MOCS1: variants seen among roughly 807,000 people sequenced by gnomAD.
MOCS1 encodes the protein molybdenum cofactor biosynthesis protein 1.
Under a neutral mutation model 57.6 loss-of-function variants are expected in MOCS1, and 39 were observed. That is an observed-to-expected ratio of 0.68 (90% CI 0.52 to 0.88). The LOEUF is 0.88. Among genes scored for constraint, MOCS1 ranks in the 40% least tolerant of loss-of-function variants. The pLI, the probability that MOCS1 is intolerant of heterozygous loss-of-function variation, is 0.00. For missense variants in MOCS1, 795 were observed against 831.1 expected (o/e 0.96, Z 0.53); for synonymous variants, 334 against 335.7 (o/e 1.00, Z 0.05).
At chr6:39,912,173 C>G in intron 8 of MOCS1, 91 bp downstream of exon 8, 6 of 1,029,192 alleles carry the variant, frequency 5.8e-6, no homozygotes, top group Non-Finnish European at 9.2e-6. Context: ...CCGTGCCCTG[C>G]CAGCCTCCTC....
chr6:39,906,299 A>G lies in MOCS1; in HGVS notation c.*58T>C. On this transcript the variant is annotated 3_prime_UTR_variant, in exon 11 of 11. Transcript: ENST00000340692. The stretch of plus-strand genomic sequence containing the variant: ...TAAAGGAACCTGACGTCTTTCCCTC[A>G]GCCTACATTGCATCCCAGCTCCAGG... 1 of 1,596,808 alleles carries G rather than the reference A, an allele frequency of 6.3e-7. No individual in the cohort carries two copies. Among genetic ancestry groups the G allele is most frequent in the Non-Finnish European group, 8.6e-7 (1 of 1,166,962 alleles).
intron 3 of MOCS1, among the ~76,000 whole-genome samples, chr6:39,923,547 G>A (rs570897443): frequency 8.5e-4 from 129 of 152,394 alleles, no homozygotes; most frequent in Non-Finnish European, 1.3e-3. Context: ...GCCCGCGGGT[G>A]CCAGGGAGAG....
intron 8 of MOCS1, among the ~76,000 whole-genome samples, chr6:39,910,534 T>C (rs1428578915): frequency 6.6e-6 from 1 of 152,190 alleles, no homozygotes; most frequent in Non-Finnish European, 1.5e-5. Flanking sequence ...GTAAGAGGGA[T>C]GGATGAGACA....
In MOCS1 at chr6:39,904,939, G is replaced by A. The variant is rs1310763583; in HGVS notation, c.*1418C>T. 6.6e-6 allele frequency: 3 copies of A among 454,000 alleles called. No individual in the cohort carries two copies. Among genetic ancestry groups the A allele is most frequent in the Non-Finnish European group, 1.3e-5 (3 of 226,804 alleles). 28.1% of individuals were successfully genotyped at this position (454,000 alleles called of 1,614,324 possible). On this transcript the variant is annotated 3_prime_UTR_variant, in exon 11 of 11. Transcript: ENST00000340692. ...GTGGGCTGAGAGTGTGCTGGAGCCA[G>A]CTTGTACCAGCTCTGTGAGAACCAA... is the stretch of plus-strand genomic sequence containing the variant.
chr6:39,911,038 T>A lies in MOCS1; in HGVS notation c.982-1083A>T, dbSNP rs370586325. Among the ~76,000 whole-genome samples, 47 of 152,364 alleles carry A rather than the reference T, an allele frequency of 3.1e-4. No homozygotes were observed. In the East Asian group the frequency reaches 8.7e-3, roughly 28 times the overall value. On this transcript the variant is annotated intron_variant, in intron 8 of 10. Transcript: ENST00000340692. Reference sequence around the variant, plus strand: ...ATCAGTGCCTCCCCCTTGCCCTTCCTAAGTGGGAACAGCACTTTGCTGCTG... The same window carrying A: ...ATCAGTGCCTCCCCCTTGCCCTTCCAAAGTGGGAACAGCACTTTGCTGCTG...
chr6:39,913,272 GCCCAAC>G, intron 6 of MOCS1, 39 bp downstream of exon 6: 3 of 1,546,978 alleles, frequency 1.9e-6, no homozygotes, highest in Non-Finnish European at 2.7e-6. Context: ...CGACCTGCAG[GCCCAAC>G]CCCTTCTTCC....
intron 3 of MOCS1, among the ~76,000 whole-genome samples, chr6:39,920,027 G>A (rs919538206): frequency 5.3e-5 from 8 of 152,066 alleles, no homozygotes; most frequent in African/African-American, 1.9e-4. Flanking sequence ...TTTTTCAGAT[G>A]GGGAGGAGAT....
Position 39,906,906 on chromosome 6 carries a change from G to A in MOCS1, c.1362C>T (p.Asp454=), listed in dbSNP as rs771259156. The A allele has an allele frequency of 1.7e-5, 27 of 1,614,066 alleles. No individual in the cohort carries two copies. Among genetic ancestry groups the A allele is most frequent in the Non-Finnish European group, 2.3e-5 (27 of 1,180,036 alleles). ...SFQRHYTSRA[D]SDANSKCLSP... The stretch of plus-strand genomic sequence containing the variant: ...TAAGGCACTTTGAGTTGGCATCTGA[G>A]TCTGCACGGGAAGTGTAGTGTCTCT... The change falls in exon 11 of 11, where the codon GAC becomes GAT. Residue 454 remains aspartate (D), a synonymous_variant. Transcript: ENST00000340692.
chr6:39,922,913 C>T (rs1768057133), intron 3 of MOCS1, among the ~76,000 whole-genome samples: 1 of 152,186 alleles, frequency 6.6e-6, no homozygotes. Context: ...CTCTCTCTTC[C>T]CCCATCCCTC....
Position 39,925,849 on chromosome 6 carries a change from A to G in MOCS1, c.251-4T>C. On this transcript the variant is annotated splice_polypyrimidine_tract_variant and splice_region_variant and intron_variant, in intron 2 of 10. Coordinates refer to ENST00000340692, the MANE Select transcript of MOCS1 (RefSeq NM_001358530.2). ...TCCTCGGGCATGCAGTACTGACCTG[A>G]GGGAAGGATGAATGGGAATGTGGAG... 1 of 1,606,240 alleles carries G rather than the reference A, an allele frequency of 6.2e-7. No homozygotes were observed. Among genetic ancestry groups the G allele is most frequent in the Non-Finnish European group, 8.5e-7 (1 of 1,175,106 alleles).
At chr6:39,912,113 C>T in intron 8 of MOCS1, 151 bp downstream of exon 8, 1 of 687,174 alleles carries the variant, frequency 1.5e-6, no homozygotes, top group Non-Finnish European at 2.7e-6. Context: ...CCTGCTGCTC[C>T]CATCATGCCC....
In MOCS1 at chr6:39,913,354, G is replaced by A. The variant is rs548975858; in HGVS notation, c.720C>T (p.Pro240=). 1.2e-6 allele frequency: 2 copies of A among 1,614,086 alleles called. No individual in the cohort carries two copies. The highest frequency in any genetic ancestry group is 1.3e-5 in the African/African-American group (1 of 74,936). ...TATACTCTATGAAGCGCACATCCAG[G>A]GGGAGGCCCTCAGTCAAGGCCGCAA... ...LDFAALTEGL[P]LDVRFIEYMP... is the part of the protein sequence containing the mutation. Residue 240 remains proline (P), a synonymous_variant, in exon 6 of 11, where the codon CCC becomes CCT. Coordinates refer to ENST00000340692, the MANE Select transcript of MOCS1 (RefSeq NM_001358530.2).
chr6:39,923,886 G>A (rs1768118169), intron 3 of MOCS1, among the ~76,000 whole-genome samples: 1 of 152,208 alleles, frequency 6.6e-6, no homozygotes, highest in Non-Finnish European at 1.5e-5. Context: ...AGCAGGGCTG[G>A]TGCTCATTCA....
chr6:39,913,197 C>G, intron 6 of MOCS1, 120 bp downstream of exon 6: 1 of 960,292 alleles, frequency 1.0e-6, no homozygotes. Flanking sequence ...CCACCAACAG[C>G]CCATCATAAT....
chr6:39,927,633 A>T, intron 1 of MOCS1, 178 bp from the exon 2 acceptor site: 4 of 1,593,482 alleles, frequency 2.5e-6, no homozygotes, highest in Non-Finnish European at 2.6e-6. Flanking sequence ...TTGAGAAATC[A>T]GCTTGATGGG....
chr6:39,913,946 T>C (rs1767506521), intron 4 of MOCS1, 111 bp from the exon 5 acceptor site: 2 of 1,091,124 alleles, frequency 1.8e-6, no homozygotes, highest in African/African-American at 3.1e-5. Context: ...AAACGTTTTC[T>C]AAAACAGGCC....
intron 2 of MOCS1, among the ~76,000 whole-genome samples, chr6:39,926,379 T>G (rs1256883376): frequency 6.6e-6 from 1 of 152,040 alleles, no homozygotes; most frequent in Admixed American, 6.6e-5. Context: ...TTTTATATGT[T>G]GGAAAACTGA....
Position 39,904,611 on chromosome 6 carries a change from A to G in MOCS1, c.*1746T>C, listed in dbSNP as rs1237802900. 1 of 454,004 alleles carries G rather than the reference A, an allele frequency of 2.2e-6. No individual in the cohort carries two copies. Among genetic ancestry groups the G allele is most frequent in the African/African-American group, 2.0e-5 (1 of 49,970 alleles). 28.1% of individuals were successfully genotyped at this position (454,004 alleles called of 1,614,324 possible). ...GTGTTTAGGGCAGTGGGAGGAGAAAATTCTCCAGGTGAATGGGGAAGGGTC... is the reference window on the plus strand; with the variant it reads ...GTGTTTAGGGCAGTGGGAGGAGAAAGTTCTCCAGGTGAATGGGGAAGGGTC... On this transcript the variant is annotated 3_prime_UTR_variant, in exon 11 of 11. Coordinates refer to ENST00000340692, the MANE Select transcript of MOCS1 (RefSeq NM_001358530.2).
In MOCS1 at chr6:39,909,233, G is replaced by A; in HGVS notation, c.1103-131C>T. On this transcript the variant is annotated intron_variant, in intron 9 of 10. Coordinates refer to ENST00000340692, the MANE Select transcript of MOCS1 (RefSeq NM_001358530.2). ...GGAGAGGAAAGCAGGGGAGGGGGAG[G>A]GGAGAGGGAGAGGAAAGCAGGGGAG... The A allele has an allele frequency of 1.8e-4, 2 of 10,878 alleles. 1 individual carries two copies. Among genetic ancestry groups the A allele is most frequent in the Non-Finnish European group, 3.9e-4 (2 of 5,130 alleles). 0.7% of individuals were successfully genotyped at this position (10,878 alleles called of 1,614,324 possible). A position where few individuals can be genotyped will look rare whatever the true frequency, so the allele number is the denominator to read the frequency against.
Sources: allele counts gnomAD v4.1 joint callset (sites outside exome capture counted in the v4.1 genomes callset), GRCh38; gene constraint gnomAD v4.1.1; transcripts MANE v1.5; gene names NCBI Gene and HGNC (gene_info 2026-07-23, HGNC 2026-07-21).